The following PCDH7 variants were observed in gnomAD, a reference collection of about 807,000 sequenced individuals.
PCDH7 encodes the protein protocadherin 7.
In PCDH7, 17 loss-of-function variants were observed where a neutral mutation model predicts 58.9. The observed-to-expected ratio is 0.29, with a 90% CI of 0.20 to 0.43. The LOEUF is 0.43. Among genes scored for constraint, PCDH7 ranks in the 20% least tolerant of loss-of-function variants. The probability of loss-of-function intolerance (pLI) is 1.00; values close to 1 mark genes in which losing one functional copy is unlikely to be tolerated. For missense variants in PCDH7, 1,274 were observed against 1,441.0 expected (o/e 0.88, Z 1.88); for synonymous variants, 664 against 616.4 (o/e 1.08, Z -1.14).
intron 3 of PCDH7, among the ~76,000 whole-genome samples, chr4:31,021,044 A>G (rs1254108944): frequency 6.6e-6 from 1 of 152,248 alleles, no homozygotes; most frequent in African/African-American, 2.4e-5. Flanking sequence ...CATTATGAAA[A>G]TATTCTGAGA....
intron 1 of PCDH7, among the ~76,000 whole-genome samples, chr4:30,847,819 A>G (rs567988935): frequency 6.6e-6 from 1 of 152,172 alleles, no homozygotes; most frequent in South Asian, 2.1e-4. Context: ...CTCTTTCCTC[A>G]CTAGCACTCT....
intron 3 of PCDH7, among the ~76,000 whole-genome samples, chr4:31,082,120 G>C (rs1711565363): frequency 6.6e-6 from 1 of 152,078 alleles, no homozygotes; most frequent in Non-Finnish European, 1.5e-5. Flanking sequence ...GTACACTTAT[G>C]GAAGCTCAGA....
chr4:30,786,668 C>A, intron 1 of PCDH7: 2 of 609,034 alleles, frequency 3.3e-6, no homozygotes, highest in Non-Finnish European at 4.1e-6. Flanking sequence ...TGGAACTAGG[C>A]TGGCAAAACC....
intron 2 of PCDH7, among the ~76,000 whole-genome samples, chr4:30,922,783 C>T (rs1277006092): frequency 6.6e-6 from 1 of 152,038 alleles, no homozygotes; most frequent in Non-Finnish European, 1.5e-5. Context: ...GGCTGTGATT[C>T]ATGTTAGCCT....
At chr4:31,105,132 A>G (rs1560228758) in intron 3 of PCDH7, among the ~76,000 whole-genome samples, 1 of 152,202 alleles carries the variant, frequency 6.6e-6, no homozygotes, top group Non-Finnish European at 1.5e-5. Context: ...TCCTAAACCT[A>G]GCTTTGAACT....
chr4:31,111,757 C>T (rs758666030), intron 3 of PCDH7, among the ~76,000 whole-genome samples: 6 of 152,178 alleles, frequency 3.9e-5, no homozygotes, highest in African/African-American at 9.7e-5. Context: ...GTAACTAACT[C>T]GAAACCTCTG....
At chr4:30,966,104 C>T (rs991332282) in intron 3 of PCDH7, among the ~76,000 whole-genome samples, 7 of 152,146 alleles carry the variant, frequency 4.6e-5, no homozygotes, top group Admixed American at 6.5e-5. Flanking sequence ...GCAAGGGCTG[C>T]TTAAATCAAA....
chr4:30,894,375 G>T (rs1739010901), intron 1 of PCDH7, among the ~76,000 whole-genome samples: 1 of 142,134 alleles, frequency 7.0e-6, no homozygotes, highest in South Asian at 2.4e-4. Context: ...CAGCCTCCCT[G>T]TAATTGTAGC....
At position 31,021,815 on chromosome 4, in the gene PCDH7, T is replaced by C. The variant is rs73815155; in HGVS notation, c.*7+71600T>C. Reference sequence around the variant, plus strand: ...CTAGAGATGTGGAAGGGGAAAAATATGGTTGGATGAGCATCTAGTGAGTTG... The same window carrying C: ...CTAGAGATGTGGAAGGGGAAAAATACGGTTGGATGAGCATCTAGTGAGTTG... On this transcript the variant is annotated intron_variant, in intron 3 of 3. Coordinates refer to the PCDH7 transcript ENST00000509759. Among the ~76,000 whole-genome samples the C allele has an allele frequency of 3.2e-3, 490 of 152,206 alleles. 2 individuals carry two copies. Among genetic ancestry groups the C allele is most frequent in the African/African-American group, 0.011 (472 of 41,540 alleles).
At chr4:30,782,224 A>G (rs905637059) in intron 1 of PCDH7, among the ~76,000 whole-genome samples, 5 of 152,092 alleles carry the variant, frequency 3.3e-5, no homozygotes, top group Admixed American at 6.6e-5. Context: ...ATTTTTTCTT[A>G]AACATGCCAA....
chr4:30,811,968 T>G (rs2109314263), intron 1 of PCDH7, among the ~76,000 whole-genome samples: 1 of 152,292 alleles, frequency 6.6e-6, no homozygotes, highest in East Asian at 1.9e-4. Flanking sequence ...TAGGATGAGT[T>G]AATTCAGACA....
chr4:30,740,533 G>GA (rs1049076439), intron 1 of PCDH7, among the ~76,000 whole-genome samples: 1 of 151,806 alleles, frequency 6.6e-6, no homozygotes, highest in African/African-American at 2.4e-5. Flanking sequence ...GTACAGGTAG[G>GA]AAAAAATAAT....
intron 1 of PCDH7, among the ~76,000 whole-genome samples, chr4:30,894,546 CACACACACACACAT>C (rs1390035584): frequency 2.7e-5 from 3 of 113,050 alleles, no homozygotes; most frequent in African/African-American, 1.0e-4. Context: ...CACACACACA[CACACACACACACAT>C]ATATACATAT....
intron 3 of PCDH7, among the ~76,000 whole-genome samples, chr4:31,099,815 T>C (rs1335308328): frequency 1.3e-5 from 2 of 152,080 alleles, no homozygotes; most frequent in Non-Finnish European, 2.9e-5. Context: ...CATATATATA[T>C]AAAAGATTTG....
intron 3 of PCDH7, among the ~76,000 whole-genome samples, chr4:31,069,566 A>G: frequency 6.6e-6 from 1 of 152,054 alleles, no homozygotes; most frequent in East Asian, 1.9e-4. Flanking sequence ...CTCCAAAATG[A>G]TACTTTAATG....
intron 1 of PCDH7, among the ~76,000 whole-genome samples, chr4:30,726,909 T>A (rs150854242): frequency 6.6e-4 from 100 of 152,118 alleles, no homozygotes; most frequent in Admixed American, 2.2e-3. Context: ...GGGATCCTTT[T>A]TGTTCTGCTT....
At chr4:30,760,011 T>G (rs1719818162) in intron 1 of PCDH7, among the ~76,000 whole-genome samples, 1 of 152,018 alleles carries the variant, frequency 6.6e-6, no homozygotes, top group South Asian at 2.1e-4. Flanking sequence ...CCTCTCTACA[T>G]TGGAAATAGG....
chr4:30,979,286 A>G (rs969929535), intron 3 of PCDH7, among the ~76,000 whole-genome samples: 1 of 150,458 alleles, frequency 6.6e-6, no homozygotes, highest in African/African-American at 2.5e-5. Flanking sequence ...AGGTGGTGCC[A>G]CTGCACTCCA....
At chr4:30,812,684 T>C (rs964689070) in intron 1 of PCDH7, among the ~76,000 whole-genome samples, 1 of 152,206 alleles carries the variant, frequency 6.6e-6, no homozygotes, top group Non-Finnish European at 1.5e-5. Flanking sequence ...GTTCTCTTGG[T>C]ATTTTCTAAA....
Sources: allele counts gnomAD v4.1 joint callset (sites outside exome capture counted in the v4.1 genomes callset), GRCh38; gene constraint gnomAD v4.1.1; transcripts MANE v1.5; gene names NCBI Gene and HGNC (gene_info 2026-07-23, HGNC 2026-07-21).